CD2BP2: variants seen among roughly 807,000 people sequenced by gnomAD.
CD2BP2 encodes CD2 antigen cytoplasmic tail-binding protein 2.
Under a neutral mutation model 35.9 loss-of-function variants are expected in CD2BP2, and 27 were observed. The ratio of observed to expected loss-of-function variants is 0.75; its 90% CI spans 0.55 to 1.04. CD2BP2 has a LOEUF of 1.04. Ranked by LOEUF, CD2BP2 falls within the 50% of genes least tolerant of loss-of-function variation. The pLI is 0.00. For missense variants in CD2BP2, 497 were observed against 444.3 expected, an observed-to-expected ratio of 1.12 and a Z score of -1.07; for synonymous variants, 213 against 173.5, an observed-to-expected ratio of 1.23 and a Z score of -1.79.
chr16:30,353,966 C>G lies in CD2BP2; in HGVS notation c.310G>C (p.Asp104His). Residue 104 changes from aspartate (D) to histidine (H), a missense_variant, in exon 4 of 7, where the codon GAT (aspartate) becomes CAT (histidine). Coordinates refer to ENST00000305596, the MANE Select transcript of CD2BP2 (RefSeq NM_006110.3). ...EEMEEGHFDA[D>H]GNYFLNRDAQ... ...TCCCGGTTCAGGAAGTAGTTGCCATCGGCATCAAAGTGGCCTTCCTCCATC... is the reference window on the plus strand; with the variant it reads ...TCCCGGTTCAGGAAGTAGTTGCCATGGGCATCAAAGTGGCCTTCCTCCATC... The G allele has an allele frequency of 6.2e-7, 1 of 1,614,174 alleles. No homozygotes were observed. Among genetic ancestry groups the G allele is most frequent in the East Asian group, 2.2e-5 (1 of 44,882 alleles).
At chr16:30,354,536 G>T in intron 2 of CD2BP2, 68 bp downstream of exon 2, 1 of 1,529,560 alleles carries the variant, frequency 6.5e-7, no homozygotes, top group Non-Finnish European at 9.0e-7. Flanking sequence ...CCCCTCTCCC[G>T]CCAGCTTTCT....
chr16:30,352,940 A>G lies in CD2BP2; in HGVS notation c.*45T>C, dbSNP rs370127321. 71 of 1,245,742 alleles carry G rather than the reference A, an allele frequency of 5.7e-5. No homozygotes were observed. The highest frequency in any genetic ancestry group is 5.1e-4 in the South Asian group (43 of 83,728). 77.2% of individuals were successfully genotyped at this position (1,245,742 alleles called of 1,614,324 possible). A position where few individuals can be genotyped will look rare whatever the true frequency, so the allele number is the denominator to read the frequency against. ...CTGAGACACTTGGTGCCTCCTCCAC[A>G]AAGTCCAGGAAAGAAGGGCCCACCA... On this transcript the variant is annotated 3_prime_UTR_variant, in exon 7 of 7. Coordinates refer to ENST00000305596, the MANE Select transcript of CD2BP2 (RefSeq NM_006110.3).
At position 30,352,811 on chromosome 16, in the gene CD2BP2, C is replaced by T; in HGVS notation, c.*174G>A. The T allele has an allele frequency of 1.6e-6, 1 of 607,986 alleles. No homozygotes were observed. Among genetic ancestry groups the T allele is most frequent in the African/African-American group, 1.9e-5 (1 of 54,010 alleles). 37.7% of individuals were successfully genotyped at this position (607,986 alleles called of 1,614,324 possible). A position where few individuals can be genotyped will look rare whatever the true frequency, so the allele number is the denominator to read the frequency against. On this transcript the variant is annotated 3_prime_UTR_variant, in exon 7 of 7. Transcript: ENST00000305596. ...GTCCAAAGGGACTGTGGAGAAGGCC[C>T]CTGGCTTCTGGCCATCAGCACAGCC...
chr16:30,353,993 C>T lies in CD2BP2; in HGVS notation c.283G>A (p.Glu95Lys). Residue 95 changes from glutamate to lysine, a missense_variant, in exon 4 of 7, where the codon GAG becomes AAG. Glu to Lys is a moderately conservative substitution (Grantham distance 56). Coordinates refer to ENST00000305596, the MANE Select transcript of CD2BP2 (RefSeq NM_006110.3). ...VRITPFNLQE[E>K]MEEGHFDADG... is the part of the protein sequence containing the mutation. Reference sequence around the variant, plus strand: ...GCATCAAAGTGGCCTTCCTCCATCTCCTCCTGCAGGTTAAAGGGTGTGATC... The same window carrying T: ...GCATCAAAGTGGCCTTCCTCCATCTTCTCCTGCAGGTTAAAGGGTGTGATC... 6.2e-7 allele frequency: 1 copy of T among 1,614,208 alleles called. No individual in the cohort carries two copies. The highest frequency in any genetic ancestry group is 8.5e-7 in the Non-Finnish European group (1 of 1,180,042).
intron 2 of CD2BP2, 46 bp from the exon 3 acceptor site, chr16:30,354,368 C>T (rs201540897): frequency 6.3e-7 from 1 of 1,589,864 alleles, no homozygotes; most frequent in East Asian, 2.2e-5. Flanking sequence ...TTACTGGCTA[C>T]CTCCCCAAAT....
chr16:30,353,846 C>A, intron 4 of CD2BP2, 46 bp from the exon 5 acceptor site: 1 of 1,607,534 alleles, frequency 6.2e-7, no homozygotes, highest in Non-Finnish European at 8.5e-7. Flanking sequence ...GCCACGGGAG[C>A]AGGCCCAGCA....
chr16:30,353,440 G>C lies in CD2BP2; in HGVS notation c.736C>G (p.Pro246Ala). The C allele has an allele frequency of 4.3e-6, 7 of 1,614,140 alleles. No individual in the cohort carries two copies. Among genetic ancestry groups the C allele is most frequent in the Non-Finnish European group, 5.9e-6 (7 of 1,180,008 alleles). Residue 246 changes from proline (P) to alanine (A), a missense_variant, in exon 5 of 7, where the codon CCC (proline) becomes GCC (alanine). Coordinates refer to ENST00000305596, the MANE Select transcript of CD2BP2 (RefSeq NM_006110.3). ...TLGPHNPTPPPSLDMFAEELA... is the reference protein window; with the variant it reads ...TLGPHNPTPPASLDMFAEELA... ...TCCTCAGCGAACATGTCCAGGGAGG[G>C]TGGGGGTGTGGGATTGTGGGGTCCT...
chr16:30,354,013 G>A lies in CD2BP2; in HGVS notation c.263C>T (p.Thr88Ile), dbSNP rs2049510448. 4.3e-6 allele frequency: 7 copies of A among 1,614,192 alleles called. No homozygotes were observed. Among genetic ancestry groups the A allele is most frequent in the Non-Finnish European group, 5.9e-6 (7 of 1,180,030 alleles). The change falls in exon 4 of 7, where the codon ACA (threonine) becomes ATA (isoleucine). Residue 88 changes from threonine (T) to isoleucine (I), a missense_variant. By Grantham distance (89) the Thr-to-Ile change is moderately conservative (BLOSUM62 -1). Transcript: ENST00000305596. ...CATCTCCTCCTGCAGGTTAAAGGGT[G>A]TGATCCGAACACCCCCCTCGCTGGG... Reference protein sequence around the residue: ...TLPSEGGVRITPFNLQEEMEE... With the variant: ...TLPSEGGVRIIPFNLQEEMEE...
Position 30,354,651 on chromosome 16 carries a change from C to T in CD2BP2, c.31G>A (p.Val11Met), listed in dbSNP as rs746309258. Residue 11 changes from valine to methionine, a missense_variant, in exon 2 of 7, where the codon GTG (valine) becomes ATG (methionine). Physicochemically the swap from Val to Met is conservative, Grantham distance 21 (BLOSUM62 1). Transcript: ENST00000305596. MPKRKVTFQG[V>M]GDEEDEDEII... ...TCATCCTCATCCTCCTCATCTCCCA[C>T]GCCTTGGAAGGTCACTTTCCTCTTT... The T allele has an allele frequency of 1.4e-5, 22 of 1,613,938 alleles. No individual in the cohort carries two copies. The East Asian group carries it at 2.9e-4, about 21-fold the overall frequency.
chr16:30,353,105 G>A lies in CD2BP2; in HGVS notation c.916-10C>T. 1.2e-6 allele frequency: 2 copies of A among 1,610,096 alleles called. No homozygotes were observed. Among genetic ancestry groups the A allele is most frequent in the Non-Finnish European group, 1.7e-6 (2 of 1,176,318 alleles). Reference sequence around the variant, plus strand: ...CTTCACTCACCCAGGTCTGCAAGGAGAGGGCAGAGCTGGGGAACAACTGAC... The same window carrying A: ...CTTCACTCACCCAGGTCTGCAAGGAAAGGGCAGAGCTGGGGAACAACTGAC... On this transcript the variant is annotated splice_polypyrimidine_tract_variant and intron_variant, in intron 6 of 6. Transcript: ENST00000305596.
At chr16:30,354,867 A>G (rs2049522417) in intron 1 of CD2BP2, 160 bp from the exon 2 acceptor site, 1 of 632,670 alleles carries the variant, frequency 1.6e-6, no homozygotes, top group Non-Finnish European at 2.8e-6. Context: ...GGAGGCCTCC[A>G]GGACTTGGGT....
At chr16:30,354,565 C>G in intron 2 of CD2BP2, 39 bp downstream of exon 2, 2 of 1,595,660 alleles carry the variant, frequency 1.3e-6, no homozygotes, top group Non-Finnish European at 1.7e-6. Flanking sequence ...AGGCTTCTAG[C>G]TCCTCTTTCC....
At chr16:30,354,455 A>G (rs2049516541) in intron 2 of CD2BP2, 133 bp from the exon 3 acceptor site, 1 of 1,363,444 alleles carries the variant, frequency 7.3e-7, no homozygotes, top group East Asian at 2.3e-5. Flanking sequence ...CAGGAGCCAC[A>G]CTAAAGACGC....
Position 30,353,268 on chromosome 16 carries a change from A to G in CD2BP2, c.828T>C (p.Asp276=). The part of the protein sequence containing the change: ...TQRGEAESRG[D]GLVDVMWEYK... The stretch of plus-strand genomic sequence containing the variant: ...ATTCCCACATCACATCCACCAGACC[A>G]TCTCCCCGCGACTCTGCTTCTAAAA... Residue 276 remains aspartate, a synonymous_variant, in exon 6 of 7, where the codon GAT becomes GAC. Transcript: ENST00000305596. 1 of 1,613,990 alleles carries G rather than the reference A, an allele frequency of 6.2e-7. No individual in the cohort carries two copies. The highest frequency in any genetic ancestry group is 1.1e-5 in the South Asian group (1 of 91,082).
rs1486486977 is a variant in CD2BP2, at chr16:30,351,186, C to T, written c.*1799G>A. The T allele has an allele frequency of 2.6e-5, 4 of 152,610 alleles. No individual in the cohort carries two copies. The highest frequency in any genetic ancestry group is 9.7e-5 in the African/African-American group (4 of 41,430). The allele number at this position is 152,610 out of a possible 1,614,324, so 9.5% of individuals were successfully genotyped here. A position where few individuals can be genotyped will look rare whatever the true frequency, so the allele number is the denominator to read the frequency against. ...CATCTCTGGGGGCTGTTATTCCACCCACCGTCATCAGTGAGGCGCCTTCAG... is the reference window on the plus strand; with the variant it reads ...CATCTCTGGGGGCTGTTATTCCACCTACCGTCATCAGTGAGGCGCCTTCAG... On this transcript the variant is annotated 3_prime_UTR_variant, in exon 7 of 7. Transcript: ENST00000305596.
chr16:30,354,918 G>C, intron 1 of CD2BP2: 3 of 534,378 alleles, frequency 5.6e-6, no homozygotes, highest in Non-Finnish European at 6.7e-6. Flanking sequence ...CGGAGGAGCG[G>C]ACCCTCTGGA....
At position 30,353,678 on chromosome 16, in the gene CD2BP2, C is replaced by G; in HGVS notation, c.498G>C (p.Leu166Phe). ...GTGCCCCAGCCACTGTCTCTCTAGGCAATAGGAGCTCCAAAAGTCCCTCCA... is the reference window on the plus strand; with the variant it reads ...GTGCCCCAGCCACTGTCTCTCTAGGGAATAGGAGCTCCAAAAGTCCCTCCA... Reference protein sequence around the residue: ...ALLEGLLELLLPRETVAGALR... With the variant: ...ALLEGLLELLFPRETVAGALR... Residue 166 changes from leucine to phenylalanine, a missense_variant, in exon 5 of 7, where the codon TTG becomes TTC. By Grantham distance (22) the Leu-to-Phe change is conservative. Transcript: ENST00000305596. 6.2e-7 allele frequency: 1 copy of G among 1,613,880 alleles called. No individual in the cohort carries two copies. Among genetic ancestry groups the G allele is most frequent in the South Asian group, 1.1e-5 (1 of 91,068 alleles).
chr16:30,354,917 G>C, intron 1 of CD2BP2: 1 of 533,136 alleles, frequency 1.9e-6, no homozygotes, highest in Non-Finnish European at 3.4e-6. Flanking sequence ...ACGGAGGAGC[G>C]GACCCTCTGG....
chr16:30,353,491 G>C lies in CD2BP2; in HGVS notation c.685C>G (p.Leu229Val), dbSNP rs1356393659. The change falls in exon 5 of 7, where the codon CTG becomes GTG. Residue 229 changes from leucine (L) to valine (V), a missense_variant. Transcript: ENST00000305596. ...AGGGTCTGACACCCCAAACCCTTCA[G>C]ACGCATAGCCAACCGTTCCCTTGTT... ...QETRERLAMR[L>V]KGLGCQTLGP... The C allele has an allele frequency of 2.5e-6, 4 of 1,614,194 alleles. No individual in the cohort carries two copies.
Sources: gnomAD v4.1 joint callset for allele counts on GRCh38, gnomAD v4.1.1 for gene constraint, MANE v1.5 for transcripts, NCBI Gene and HGNC (gene_info 2026-07-23, HGNC 2026-07-21) for gene names.